USF3: variants seen among roughly 807,000 people sequenced by gnomAD.
The protein encoded by USF3 is basic helix-loop-helix domain-containing protein USF3.
A neutral mutation model predicts 157.5 loss-of-function variants in USF3; 29 were observed. The ratio of observed to expected loss-of-function variants is 0.18; its 90% confidence interval spans 0.14 to 0.25. The LOEUF is 0.25. Among genes scored for constraint, USF3 ranks in the 10% least tolerant of loss-of-function variants. The probability of loss-of-function intolerance (pLI) is 1.00; values close to 1 mark genes in which losing one functional copy is unlikely to be tolerated. For missense variants in USF3, 2,381 were observed against 2,667.6 expected, an observed-to-expected ratio of 0.89 and a Z score of 2.37; for synonymous variants, 893 against 941.4, an observed-to-expected ratio of 0.95 and a Z score of 0.94.
At chr3:113,689,370 C>G (rs990343800) in intron 1 of USF3, among the ~76,000 whole-genome samples, 1 of 152,154 alleles carries the variant, frequency 6.6e-6, no homozygotes, top group African/African-American at 2.4e-5. Flanking sequence ...TCCATTTCCC[C>G]CTTAATTTAC....
intron 1 of USF3, among the ~76,000 whole-genome samples, chr3:113,688,142 G>A (rs1267704759): frequency 4.0e-5 from 6 of 149,754 alleles, no homozygotes; most frequent in Non-Finnish European, 5.9e-5. Flanking sequence ...TTTTTGAGAC[G>A]GAGTCTCACC....
At chr3:113,667,362 A>C (rs1947586399) in intron 5 of USF3, among the ~76,000 whole-genome samples, 1 of 152,202 alleles carries the variant, frequency 6.6e-6, no homozygotes, top group Non-Finnish European at 1.5e-5. Flanking sequence ...ATTCTAGAAC[A>C]CCAAGGAAGT....
In USF3 at chr3:113,659,310, T is replaced by A. The variant is rs1947432685; in HGVS notation, c.2372A>T (p.Lys791Ile). 6.2e-7 allele frequency: 1 copy of A among 1,614,176 alleles called. No individual in the cohort carries two copies. The highest frequency in any genetic ancestry group is 8.5e-7 in the Non-Finnish European group (1 of 1,180,034). The change falls in exon 7 of 7, where the codon AAA (lysine) becomes ATA (isoleucine). Residue 791 changes from lysine to isoleucine, a missense_variant. Coordinates refer to ENST00000316407, the MANE Select transcript of USF3 (RefSeq NM_001009899.4). ...MNTVACLPNM[K>I]SKRLNKKPGG... ...TGGCTTCTTATTCAACCTTTTAGATTTCATGTTAGGCAAACAAGCAACAGT... is the reference window on the plus strand; with the variant it reads ...TGGCTTCTTATTCAACCTTTTAGATATCATGTTAGGCAAACAAGCAACAGT...
Position 113,656,923 on chromosome 3 carries a change from T to G in USF3, c.4759A>C (p.Asn1587His). Reference sequence around the variant, plus strand: ...TGGTTCTGGGGATGGTTATGATGGTTCCGACTAGTTGAAGGGTTTTCACAG... The same window carrying G: ...TGGTTCTGGGGATGGTTATGATGGTGCCGACTAGTTGAAGGGTTTTCACAG... ...KSCENPSTSR[N>H]HHNHPQNHLN... The change falls in exon 7 of 7, where the codon AAC becomes CAC. Residue 1587 changes from asparagine to histidine, a missense_variant. This residue lies in a region of USF3 where 770 missense variants were observed against 824.2 expected (regional missense o/e 0.93). Transcript: ENST00000316407. The G allele has an allele frequency of 1.2e-6, 2 of 1,614,202 alleles. No individual in the cohort carries two copies. The highest frequency in any genetic ancestry group is 1.7e-6 in the Non-Finnish European group (2 of 1,180,032).
In USF3 at chr3:113,670,605, A is replaced by T. The variant is rs116061062; in HGVS notation, c.77-402T>A. Among the ~76,000 whole-genome samples, 1,042 of 150,012 alleles carry T rather than the reference A, an allele frequency of 6.9e-3. 16 individuals carry two copies. The highest frequency in any genetic ancestry group is 0.025 in the African/African-American group (981 of 39,998). ...ACAGAACGAGACTCTGTCTGAAAAT[A>T]AAAAAAAAGGGAAGGGGGAAGGGGA... On this transcript the variant is annotated intron_variant, in intron 4 of 6. Transcript: ENST00000316407.
Position 113,652,108 on chromosome 3 carries a change from A to AGAGAGTGTGT in USF3, c.*2835_*2836insACACACTCTC, listed in dbSNP as rs1266464109. 7.0e-6 allele frequency: 1 copy of AGAGAGTGTGT among 141,978 alleles called. No homozygotes were observed. Among genetic ancestry groups the AGAGAGTGTGT allele is most frequent in the Admixed American group, 7.1e-5 (1 of 14,092 alleles). The allele number at this position is 141,978 out of a possible 1,614,324, so 8.8% of individuals were successfully genotyped here. Reference sequence around the variant, plus strand: ...TGGAGAGAGAGAGAGAGAGAGAGAGAGTGTGTGTGTGTGTGTGTGTGTGTG... The same window carrying AGAGAGTGTGT: ...TGGAGAGAGAGAGAGAGAGAGAGAGAGAGAGTGTGTGTGTGTGTGTGTGTGTGTGTGTGTG... On this transcript the variant is annotated 3_prime_UTR_variant, in exon 7 of 7. Coordinates refer to ENST00000316407, the MANE Select transcript of USF3 (RefSeq NM_001009899.4).
chr3:113,660,510 C>T lies in USF3; in HGVS notation c.1172G>A (p.Gly391Glu), dbSNP rs373054683. ...AGTCCAACCATTGTCCAAAGGGTTT[C>T]CCGAAAGAGTGCTTATAGGAATGGT... ...KATIPISTLS[G>E]NPLDNGWTLS... The change falls in exon 7 of 7, where the codon GGA becomes GAA. Residue 391 changes from glycine (G) to glutamate (E), a missense_variant. Coordinates refer to ENST00000316407, the MANE Select transcript of USF3 (RefSeq NM_001009899.4). 25 of 1,614,024 alleles carry T rather than the reference C, an allele frequency of 1.5e-5. No homozygotes were observed. In the African/African-American group the frequency reaches 3.2e-4, roughly 21 times the overall value.
intron 2 of USF3, among the ~76,000 whole-genome samples, chr3:113,676,916 A>C (rs1707295187): frequency 1.3e-5 from 2 of 152,204 alleles, no homozygotes; most frequent in South Asian, 4.1e-4. Flanking sequence ...CAGGGAATGA[A>C]ATTTTGCGGG....
intron 1 of USF3, among the ~76,000 whole-genome samples, chr3:113,685,643 G>C (rs564504316): frequency 6.6e-6 from 1 of 152,138 alleles, no homozygotes; most frequent in Admixed American, 6.5e-5. Context: ...GAATTGTGCT[G>C]GGTCACACCT....
chr3:113,656,265 A>T lies in USF3; in HGVS notation c.5417T>A (p.Ile1806Asn). The T allele has an allele frequency of 6.2e-7, 1 of 1,614,160 alleles. No individual in the cohort carries two copies. The highest frequency in any genetic ancestry group is 8.5e-7 in the Non-Finnish European group (1 of 1,180,032). ...PVQSIPTGNG[I>N]PSRDSENTCH... is the part of the protein sequence containing the mutation. ...AGTATTTTCACTGTCCCTTGATGGA[A>T]TACCATTTCCTGTTGGGATGCTCTG... Residue 1806 changes from isoleucine (I) to asparagine (N), a missense_variant, in exon 7 of 7, where the codon ATT (isoleucine) becomes AAT (asparagine). Transcript: ENST00000316407.
chr3:113,655,633 A>T lies in USF3; in HGVS notation c.6049T>A (p.Ser2017Thr). The T allele has an allele frequency of 6.2e-7, 1 of 1,613,908 alleles. No individual in the cohort carries two copies. The highest frequency in any genetic ancestry group is 1.1e-5 in the South Asian group (1 of 91,082). The change falls in exon 7 of 7, where the codon TCT becomes ACT. Residue 2017 changes from serine (S) to threonine (T), a missense_variant. Coordinates refer to ENST00000316407, the MANE Select transcript of USF3 (RefSeq NM_001009899.4). ...FDPSLPHLPLSTGGSMILGRQ... is the reference protein window; with the variant it reads ...FDPSLPHLPLTTGGSMILGRQ... ...CCAAGAATCATACTGCCACCAGTAG[A>T]GAGAGGAAGATGGGGAAGACTTGGA...
chr3:113,659,602 T>C lies in USF3; in HGVS notation c.2080A>G (p.Thr694Ala), dbSNP rs372994394. The change falls in exon 7 of 7, where the codon ACC becomes GCC. Residue 694 changes from threonine to alanine, a missense_variant. Thr to Ala is a moderately conservative substitution (Grantham distance 58). This residue lies in a region of USF3 where 1,435 missense variants were observed against 1,550.9 expected (regional missense o/e 0.93). Coordinates refer to ENST00000316407, the MANE Select transcript of USF3 (RefSeq NM_001009899.4). Reference sequence around the variant, plus strand: ...TTGGTATTTGGATCTTCGCTGGTGGTGGGTTGAATAATTTGCATAGGGGTT... The same window carrying C: ...TTGGTATTTGGATCTTCGCTGGTGGCGGGTTGAATAATTTGCATAGGGGTT... The part of the protein sequence containing the change: ...NQTPMQIIQP[T>A]TSEDPNTNVA... 1 of 1,614,028 alleles carries C rather than the reference T, an allele frequency of 6.2e-7. No homozygotes were observed. Among genetic ancestry groups the C allele is most frequent in the South Asian group, 1.1e-5 (1 of 91,082 alleles).
rs762505467 is a variant in USF3, at chr3:113,670,219, T to C, written c.77-16A>G. The C allele has an allele frequency of 3.9e-6, 6 of 1,526,522 alleles. No individual in the cohort carries two copies. Among genetic ancestry groups the C allele is most frequent in the Non-Finnish European group, 4.5e-6 (5 of 1,100,180 alleles). The allele number at this position is 1,526,522 out of a possible 1,614,324, so 94.6% of individuals were successfully genotyped here. A position where few individuals can be genotyped will look rare whatever the true frequency, so the allele number is the denominator to read the frequency against. ...TGCCTCTCCACTAGATGGGAGAAAA[T>C]TCGTTTATCAAACCTTACACTACTT... On this transcript the variant is annotated splice_polypyrimidine_tract_variant and intron_variant, in intron 4 of 6. Transcript: ENST00000316407.
intron 5 of USF3, among the ~76,000 whole-genome samples, chr3:113,668,293 C>T (rs1489822082): frequency 6.6e-6 from 1 of 152,048 alleles, no homozygotes; most frequent in African/African-American, 2.4e-5. Flanking sequence ...GTGGAAACAG[C>T]GGGGTAGAGT....
chr3:113,674,918 C>G (rs780488926), intron 2 of USF3, 22 bp from the exon 3 acceptor site: 1 of 1,464,330 alleles, frequency 6.8e-7, no homozygotes. Context: ...TAGAAAGACA[C>G]ACCAGAAAGC....
At position 113,668,049 on chromosome 3, in the gene USF3, G is replaced by A. The variant is rs1947597297; in HGVS notation, c.159+2072C>T. ...ACACTGAGAACCACCAGCCTCTACAGAAGATGGAGTGAGCTGGGGGTTAAA... is the reference window on the plus strand; with the variant it reads ...ACACTGAGAACCACCAGCCTCTACAAAAGATGGAGTGAGCTGGGGGTTAAA... On this transcript the variant is annotated intron_variant, in intron 5 of 6. Transcript: ENST00000316407. Among the ~76,000 whole-genome samples the A allele has an allele frequency of 2.6e-5, 4 of 152,114 alleles. No individual in the cohort carries two copies. The South Asian group carries it at 6.2e-4, about 24-fold the overall frequency.
At chr3:113,689,573 T>G (rs1294721914) in intron 1 of USF3, among the ~76,000 whole-genome samples, 2 of 152,210 alleles carry the variant, frequency 1.3e-5, no homozygotes, top group African/African-American at 4.8e-5. Context: ...TAACCAGCTC[T>G]CCTTCCAAAA....
At position 113,654,737 on chromosome 3, in the gene USF3, C is replaced by T. The variant is rs989279756; in HGVS notation, c.*207G>A. ...TCTACTTGGAAAATAAAAAAGTACA[C>T]CATGCAGTTGAAAACGAAAGATAAC... On this transcript the variant is annotated 3_prime_UTR_variant, in exon 7 of 7. Coordinates refer to ENST00000316407, the MANE Select transcript of USF3 (RefSeq NM_001009899.4). The T allele has an allele frequency of 1.5e-5, 8 of 530,118 alleles. No individual in the cohort carries two copies. Among genetic ancestry groups the T allele is most frequent in the Middle Eastern group, 4.8e-4 (1 of 2,090 alleles). 32.8% of individuals were successfully genotyped at this position (530,118 alleles called of 1,614,324 possible). A position where few individuals can be genotyped will look rare whatever the true frequency, so the allele number is the denominator to read the frequency against.
chr3:113,658,101 T>C lies in USF3; in HGVS notation c.3581A>G (p.Asn1194Ser), dbSNP rs1216375992. Residue 1194 changes from asparagine (N) to serine (S), a missense_variant, in exon 7 of 7, where the codon AAT becomes AGT. Physicochemically the swap from Asn to Ser is conservative, Grantham distance 46 (BLOSUM62 1). Coordinates refer to ENST00000316407, the MANE Select transcript of USF3 (RefSeq NM_001009899.4). ...SGTGQAEATP[N>S]EFNSQGSIEA... ...AATTGAACCCTGAGAATTAAATTCA[T>C]TTGGTGTTGCTTCTGCCTGTCCTGT... 6.2e-7 allele frequency: 1 copy of C among 1,614,194 alleles called. No homozygotes were observed. The highest frequency in any genetic ancestry group is 8.5e-7 in the Non-Finnish European group (1 of 1,180,032).
Sources: allele counts gnomAD v4.1 joint callset (sites outside exome capture counted in the v4.1 genomes callset), GRCh38; gene constraint gnomAD v4.1.1; regional missense constraint gnomAD v4.1.1; transcripts MANE v1.5; gene names NCBI Gene and HGNC (gene_info 2026-07-23, HGNC 2026-07-21).